Variants in BSG observed in about 807,000 individuals in gnomAD.
BSG encodes basigin (Ok blood group).
In BSG, 37 loss-of-function variants were observed where a neutral mutation model predicts 43.1. The ratio of observed to expected loss-of-function variants is 0.86; its 90% CI spans 0.66 to 1.13. The LOEUF (loss-of-function observed/expected upper bound fraction) is 1.13, where lower values mean the gene tolerates loss of function less well. BSG is among the 50% of genes most tolerant of loss of function. BSG has a pLI of 0.00. For missense variants in BSG, 599 were observed against 554.2 expected (o/e 1.08, Z -0.81); for synonymous variants, 309 against 238.7 (o/e 1.29, Z -2.72).
Position 574,506 on chromosome 19 carries a change from T to C in BSG, c.67+1805T>C, listed in dbSNP as rs558360796. ...AGGCGGAGCTTGCAGTGAGCCGAGA[T>C]CGCGCCATTGCACTCCAGCCTGGGC... On this transcript the variant is annotated intron_variant, in intron 1 of 8. Coordinates refer to ENST00000333511, the MANE Select transcript of BSG (RefSeq NM_001728.4). Among the ~76,000 whole-genome samples the C allele has an allele frequency of 5.3e-5, 8 of 151,846 alleles. No individual in the cohort carries two copies. The South Asian group carries it at 1.7e-3, about 32-fold the overall frequency.
At chr19:572,494 C>G (rs1981332773), upstream of BSG, 1 of 1,192,218 alleles carries the variant, frequency 8.4e-7, no homozygotes. Context: ...GCGGGGCGAC[C>G]GGCGTCCCCG....
At chr19:572,582 C>G (rs1366153330), upstream of BSG, 2 of 1,436,490 alleles carry the variant, frequency 1.4e-6, no homozygotes, top group African/African-American at 1.5e-5. Context: ...ATAGCGGCCG[C>G]GGGCGGCGGC....
At position 582,956 on chromosome 19, in the gene BSG, G is replaced by A. The variant is rs1982470751; in HGVS notation, c.*212G>A. The A allele has an allele frequency of 1.6e-5, 4 of 244,922 alleles. No homozygotes were observed. The highest frequency in any genetic ancestry group is 9.2e-5 in the African/African-American group (4 of 43,594). 15.2% of individuals were successfully genotyped at this position (244,922 alleles called of 1,614,324 possible). A position where few individuals can be genotyped will look rare whatever the true frequency, so the allele number is the denominator to read the frequency against. On this transcript the variant is annotated 3_prime_UTR_variant, in exon 9 of 9. Transcript: ENST00000333511. The stretch of plus-strand genomic sequence containing the variant: ...TTTCCTTCTGAAGTGTTTCACGAGA[G>A]CCCGGGAGCTGCTGCCCTGCGGCCC...
upstream of BSG, chr19:572,502 C>T (rs1034971041): frequency 1.1e-4 from 138 of 1,202,588 alleles, 2 homozygotes; most frequent in Non-Finnish European, 2.7e-5. Context: ...ACCGGCGTCC[C>T]CGGCGCTCGC....
At chr19:578,535 A>AT (rs1217345416) in intron 2 of BSG, among the ~76,000 whole-genome samples, 1 of 152,162 alleles carries the variant, frequency 6.6e-6, no homozygotes, top group African/African-American at 2.4e-5. Flanking sequence ...GTTCTAAGGG[A>AT]TTTTCAAATT....
At chr19:573,390 C>T (rs1600474586) in intron 1 of BSG, among the ~76,000 whole-genome samples, 3 of 152,238 alleles carry the variant, frequency 2.0e-5, no homozygotes, top group African/African-American at 4.8e-5. Context: ...TTGGCGCTCC[C>T]TTCTGGAAAA....
Position 582,092 on chromosome 19 carries a change from C to G in BSG, c.1070-214C>G, listed in dbSNP as rs28992487. ...CCACGAGGCCATGGGGACAGCTCAC[C>G]ATGGGGAGCACACCTGCAGGTGGGG... On this transcript the variant is annotated intron_variant, in intron 6 of 8. Transcript: ENST00000333511. 9.3e-3 allele frequency among the ~76,000 whole-genome samples: 1,417 copies of G among 152,320 alleles called. 10 individuals are homozygous for G. The highest frequency in any genetic ancestry group is 0.015 in the Non-Finnish European group (1,035 of 68,018).
intron 1 of BSG, among the ~76,000 whole-genome samples, chr19:576,710 G>GAGAT (rs549282195): frequency 1.0e-3 from 154 of 151,448 alleles, no homozygotes; most frequent in African/African-American, 3.5e-3. Flanking sequence ...GCGGTGAGCT[G>GAGAT]AGATTACACC....
At position 582,558 on chromosome 19, in the gene BSG, G is replaced by A. The variant is rs745330229; in HGVS notation, c.1139G>A (p.Arg380His). Reference sequence around the variant, plus strand: ...CAGAATGACAAAGGCAAGAACGTCCGCCAGAGGAACTCTTCCTGAGGCAGG... The same window carrying A: ...CAGAATGACAAAGGCAAGAACGTCCACCAGAGGAACTCTTCCTGAGGCAGG... ...QHQNDKGKNV[R>H]QRNSS Residue 380 changes from arginine to histidine, a missense_variant, in exon 8 of 9, where the codon CGC becomes CAC. Transcript: ENST00000333511. 24 of 1,516,298 alleles carry A rather than the reference G, an allele frequency of 1.6e-5. No individual in the cohort carries two copies. Among genetic ancestry groups the A allele is most frequent in the Non-Finnish European group, 2.1e-5 (24 of 1,121,834 alleles). 93.9% of individuals were successfully genotyped at this position (1,516,298 alleles called of 1,614,324 possible).
chr19:577,042 C>T (rs1029806808), intron 1 of BSG, among the ~76,000 whole-genome samples: 2 of 152,130 alleles, frequency 1.3e-5, no homozygotes, highest in African/African-American at 2.4e-5. Context: ...AAGGTCCTGG[C>T]GGGAGGAGGC....
Position 581,506 on chromosome 19 carries a change from C to G in BSG, c.984C>G (p.Phe328Leu). The G allele has an allele frequency of 6.3e-7, 1 of 1,598,094 alleles. No homozygotes were observed. The highest frequency in any genetic ancestry group is 8.5e-7 in the Non-Finnish European group (1 of 1,173,114). Residue 328 changes from phenylalanine (F) to leucine (L), a missense_variant, in exon 6 of 9, where the codon TTC (phenylalanine) becomes TTG (leucine). By Grantham distance (22) the Phe-to-Leu change is conservative (BLOSUM62 0). Coordinates refer to ENST00000333511, the MANE Select transcript of BSG (RefSeq NM_001728.4). The stretch of plus-strand genomic sequence containing the variant: ...GCCACCTGGCCGCCCTCTGGCCCTT[C>G]CTGGGCATCGTGGCTGAGGTGCTGG... The part of the protein sequence containing the change: ...VRSHLAALWP[F>L]LGIVAEVLVL...
intron 2 of BSG, chr19:578,807 T>G (rs1354441930): frequency 1.1e-5 from 4 of 349,114 alleles, no homozygotes; most frequent in Non-Finnish European, 2.3e-5. Context: ...CTCGGCTCAC[T>G]GCAACTTCCG....
At chr19:579,218 G>A (rs1236958386) in intron 2 of BSG, 2 of 551,574 alleles carry the variant, frequency 3.6e-6, no homozygotes, top group Admixed American at 2.2e-5. Context: ...TGGGTTCCCA[G>A]CGCCTTAGCC....
chr19:573,031 G>A (rs1392879735), intron 1 of BSG, among the ~76,000 whole-genome samples: 1 of 142,418 alleles, frequency 7.0e-6, no homozygotes, highest in Non-Finnish European at 1.5e-5. Flanking sequence ...GTCAGGGGAG[G>A]TGGGCGTCTT....
At position 579,597 on chromosome 19, in the gene BSG, G is replaced by T; in HGVS notation, c.513G>T (p.Trp171Cys). Residue 171 changes from tryptophan (W) to cysteine (C), a missense_variant, in exon 3 of 9, where the codon TGG (tryptophan) becomes TGT (cysteine). Transcript: ENST00000333511. ...CCACAGAGGTCACAGGGCACCGCTGGCTGAAGGGGGGCGTGGTGCTGAAGG... is the reference window on the plus strand; with the variant it reads ...CCACAGAGGTCACAGGGCACCGCTGTCTGAAGGGGGGCGTGGTGCTGAAGG... ...DSATEVTGHR[W>C]LKGGVVLKED... 6.2e-7 allele frequency: 1 copy of T among 1,612,648 alleles called. No homozygotes were observed. Among genetic ancestry groups the T allele is most frequent in the Non-Finnish European group, 8.5e-7 (1 of 1,179,888 alleles).
At chr19:572,398 C>G, upstream of BSG, 1 of 985,310 alleles carries the variant, frequency 1.0e-6, no homozygotes. Context: ...CTAGCAACGC[C>G]GGGTCACGTG....
At chr19:582,360 C>T in intron 7 of BSG, 30 bp downstream of exon 7, 3 of 1,596,248 alleles carry the variant, frequency 1.9e-6, no homozygotes, top group Non-Finnish European at 2.6e-6. Context: ...GTCGGGGGTC[C>T]CAAGGAGCGG....
At chr19:581,793 C>T (rs554359587) in intron 6 of BSG, among the ~76,000 whole-genome samples, 109 of 152,358 alleles carry the variant, frequency 7.2e-4, no homozygotes, top group African/African-American at 2.5e-3. Flanking sequence ...AGCGGGACCC[C>T]GGGAGGAGGA....
Position 581,543 on chromosome 19 carries a change from A to G in BSG, c.1021A>G (p.Ile341Val). 1 of 1,598,986 alleles carries G rather than the reference A, an allele frequency of 6.3e-7. No individual in the cohort carries two copies. The highest frequency in any genetic ancestry group is 1.1e-5 in the South Asian group (1 of 89,256). The change falls in exon 6 of 9, where the codon ATC becomes GTC. Residue 341 changes from isoleucine to valine, a missense_variant. Physicochemically the swap from Ile to Val is conservative, Grantham distance 29. Coordinates refer to ENST00000333511, the MANE Select transcript of BSG (RefSeq NM_001728.4). ...IVAEVLVLVT[I>V]IFIYEKRRKP... ...GGCTGAGGTGCTGGTGCTGGTCACC[A>G]TCATCTTCATCTACGAGAAGCGCCG...
Sources: allele counts gnomAD v4.1 joint callset (sites outside exome capture counted in the v4.1 genomes callset), GRCh38; gene constraint gnomAD v4.1.1; transcripts MANE v1.5; gene names NCBI Gene and HGNC (gene_info 2026-07-23, HGNC 2026-07-21).